The following SLCO1A2 variants were observed in gnomAD, a reference collection of about 807,000 sequenced individuals.
The protein encoded by SLCO1A2 is OATP-1.
A neutral mutation model predicts 69.0 loss-of-function variants in SLCO1A2; 67 were observed. The observed-to-expected ratio is 0.97, with a 90% confidence interval of 0.80 to 1.19. SLCO1A2 has a LOEUF of 1.19. SLCO1A2 is among the 50% of genes most tolerant of loss of function. The probability of loss-of-function intolerance (pLI) is 0.00; values close to 1 mark genes in which losing one functional copy is unlikely to be tolerated. For missense variants in SLCO1A2, 787 were observed against 793.7 expected (o/e 0.99, Z 0.10); for synonymous variants, 260 against 265.9 (o/e 0.98, Z 0.22).
At chr12:21,312,771 T>C (rs1471124649) in intron 4 of SLCO1A2, among the ~76,000 whole-genome samples, 2 of 152,128 alleles carry the variant, frequency 1.3e-5, no homozygotes, top group Admixed American at 6.6e-5. Flanking sequence ...ACAACATTTG[T>C]TGATTACATT....
intron 1 of SLCO1A2, chr12:21,378,274 T>C (rs1940351821): frequency 5.0e-6 from 8 of 1,614,216 alleles, no homozygotes; most frequent in South Asian, 1.1e-5. Flanking sequence ...CACTGCCACA[T>C]GTGCAACGCA....
chr12:21,395,387 C>T (rs550117064), exon 1 of SLCO1A2: 1 of 153,148 alleles, frequency 6.5e-6, no homozygotes, highest in Non-Finnish European at 1.5e-5. Context: ...CATGGAGTCT[C>T]GCTGATTGCT....
chr12:21,277,664 T>G (rs927034194), intron 12 of SLCO1A2, among the ~76,000 whole-genome samples: 12 of 152,142 alleles, frequency 7.9e-5, no homozygotes, highest in Admixed American at 6.6e-4. Flanking sequence ...GGGGATGATT[T>G]TGGATGAAAA....
chr12:21,306,534 C>G (rs1167805401), intron 5 of SLCO1A2, among the ~76,000 whole-genome samples: 2 of 152,094 alleles, frequency 1.3e-5, no homozygotes, highest in African/African-American at 4.8e-5. Context: ...ACCATGTTGG[C>G]CAGGCTGGTC....
chr12:21,348,065 A>G (rs1439309637), intron 2 of SLCO1A2, among the ~76,000 whole-genome samples: 1 of 152,132 alleles, frequency 6.6e-6, no homozygotes, highest in Non-Finnish European at 1.5e-5. Flanking sequence ...CTCTTTTTCC[A>G]TATTTTAGCA....
intron 12 of SLCO1A2, among the ~76,000 whole-genome samples, chr12:21,285,852 C>T (rs184036934): frequency 0.03 from 4,581 of 152,114 alleles, 67 homozygotes; most frequent in Middle Eastern, 0.051. Flanking sequence ...ATTGATGGGA[C>T]GTATTTCAAA....
At chr12:21,360,600 C>A (rs7960160) in intron 2 of SLCO1A2, among the ~76,000 whole-genome samples, 7,867 of 152,252 alleles carry the variant, frequency 0.052, 286 homozygotes, top group Non-Finnish European at 0.079. Context: ...TTGCCTCACC[C>A]AGGAAGCACA....
chr12:21,352,179 G>C (rs765826129), intron 2 of SLCO1A2, among the ~76,000 whole-genome samples: 3 of 152,100 alleles, frequency 2.0e-5, no homozygotes, highest in African/African-American at 7.2e-5. Context: ...GTTAGAATTG[G>C]ATCTCACCAA....
chr12:21,417,825 A>G (rs1942011800), intron 1 of SLCO1A2: 1 of 152,164 alleles, frequency 6.6e-6, no homozygotes, highest in African/African-American at 2.4e-5. Context: ...AATATAATGT[A>G]CATATATATT....
At chr12:21,373,838 G>A (rs1413083879) in intron 2 of SLCO1A2, 2 of 527,980 alleles carry the variant, frequency 3.8e-6, no homozygotes, top group Non-Finnish European at 6.6e-6. Flanking sequence ...ATATTACTTA[G>A]ATTTTTGTTT....
chr12:21,379,812 A>T (rs1313890860), intron 1 of SLCO1A2: 7 of 152,214 alleles, frequency 4.6e-5, no homozygotes, highest in Non-Finnish European at 1.5e-5. Flanking sequence ...TTTCTAAGTT[A>T]AAATTTCCCT....
At chr12:21,306,421 GT>G (rs1193159831) in intron 5 of SLCO1A2, among the ~76,000 whole-genome samples, 1 of 152,008 alleles carries the variant, frequency 6.6e-6, no homozygotes, top group Non-Finnish European at 1.5e-5. Flanking sequence ...TGCCACCTGG[GT>G]TTAAGCGATC....
At chr12:21,366,352 G>T (rs1000581173) in intron 2 of SLCO1A2, among the ~76,000 whole-genome samples, 10 of 139,006 alleles carry the variant, frequency 7.2e-5, no homozygotes, top group African/African-American at 2.7e-4. Flanking sequence ...TGAACAATGA[G>T]AACACAGGGA....
chr12:21,295,329 G>A (rs1233150749), intron 10 of SLCO1A2: 5 of 307,122 alleles, frequency 1.6e-5, no homozygotes, highest in Middle Eastern at 9.8e-4. Flanking sequence ...ATGTCTACTC[G>A]GATATCACAA....
chr12:21,314,551 G>A lies in SLCO1A2; in HGVS notation c.333C>T (p.Asn111=), dbSNP rs1950632629. 1 of 1,613,538 alleles carries A rather than the reference G, an allele frequency of 6.2e-7. No homozygotes were observed. Among genetic ancestry groups the A allele is most frequent in the Non-Finnish European group, 8.5e-7 (1 of 1,179,900 alleles). The part of the protein sequence containing the change: ...FLKSLPHFLM[N]QYEYESTVSV... ...AATTATCAGACTGGAGTACTTACTG[G>A]TTCATGAGGAAATGAGGTAGTGATT... Residue 111 remains asparagine (N), a splice_region_variant and synonymous_variant, in exon 4 of 15, where the codon AAC becomes AAT. Coordinates refer to ENST00000683939, the MANE Select transcript of SLCO1A2 (RefSeq NM_001386879.1).
chr12:21,272,990 A>G (rs975605124), intron 14 of SLCO1A2, among the ~76,000 whole-genome samples: 2 of 152,184 alleles, frequency 1.3e-5, no homozygotes, highest in African/African-American at 4.8e-5. Context: ...CAAGGATGCT[A>G]ACAGAAGATA....
intron 2 of SLCO1A2, among the ~76,000 whole-genome samples, chr12:21,328,191 T>C (rs1407605427): frequency 6.6e-6 from 1 of 152,124 alleles, no homozygotes; most frequent in Non-Finnish European, 1.5e-5. Flanking sequence ...TGTGAGTCCA[T>C]TAAACCCCTT....
intron 8 of SLCO1A2, among the ~76,000 whole-genome samples, chr12:21,299,924 A>AATAT (rs1417127357): frequency 6.8e-6 from 1 of 146,274 alleles, no homozygotes; most frequent in East Asian, 2.3e-4. Context: ...ATATATATAC[A>AATAT]TGACCCTCTC....
At position 21,275,648 on chromosome 12, in the gene SLCO1A2, C is replaced by T. The variant is rs556434898; in HGVS notation, c.1611-224G>A. Among the ~76,000 whole-genome samples, 3 of 152,014 alleles carry T rather than the reference C, an allele frequency of 2.0e-5. No individual in the cohort carries two copies. The South Asian group carries it at 6.2e-4, about 32-fold the overall frequency. On this transcript the variant is annotated intron_variant, in intron 12 of 14. Transcript: ENST00000683939. ...TACTCATCACTTTTTCTTATTAATA[C>T]CTATTTTATTGGTCAGGCGCAGTGG...
Sources: allele counts gnomAD v4.1 joint callset (sites outside exome capture counted in the v4.1 genomes callset), GRCh38; gene constraint gnomAD v4.1.1; transcripts MANE v1.5; gene names NCBI Gene and HGNC (gene_info 2026-07-23, HGNC 2026-07-21).